Variants in IL22RA1 observed in about 807,000 individuals in gnomAD.
IL22RA1 encodes interleukin 22 receptor subunit alpha 1, also known as interleukin-22 receptor subunit alpha-1.
In IL22RA1, 25 loss-of-function variants were observed where a neutral mutation model predicts 32.8. The observed-to-expected ratio is 0.76, with a 90% CI of 0.55 to 1.06. IL22RA1 has a LOEUF of 1.06. IL22RA1 is among the 50% of genes least tolerant of loss of function. The probability of loss-of-function intolerance (pLI) is 0.00; values close to 1 mark genes in which losing one functional copy is unlikely to be tolerated. For missense variants in IL22RA1, 709 were observed against 727.4 expected (o/e 0.97, Z 0.29); for synonymous variants, 305 against 305.0 (o/e 1.00, Z 0.00).
At position 24,138,606 on chromosome 1, in the gene IL22RA1, G is replaced by A. The variant is rs568392040; in HGVS notation, c.152C>T (p.Thr51Met). The part of the protein sequence containing the change: ...WDSGPEGTPD[T>M]VYSIEYKTYG... ...CGTCTTATACTCGATGCTGTAGACC[G>A]TGTCTGGGGTGCCCTCCGGCCCGCT... Residue 51 changes from threonine to methionine, a missense_variant, in exon 2 of 7, where the codon ACG becomes ATG. Transcript: ENST00000270800. The A allele has an allele frequency of 3.8e-5, 62 of 1,614,150 alleles. No homozygotes were observed. The highest frequency in any genetic ancestry group is 4.4e-5 in the South Asian group (4 of 91,082).
At chr1:24,134,809 T>A (rs1644231668) in intron 3 of IL22RA1, 1 of 979,044 alleles carries the variant, frequency 1.0e-6, no homozygotes, top group Non-Finnish European at 1.2e-6. Context: ...CTAATACTAT[T>A]GATGCAGCCT....
In IL22RA1 at chr1:24,128,232, A is replaced by G; in HGVS notation, c.579T>C (p.Pro193=). The G allele has an allele frequency of 1.2e-6, 2 of 1,610,744 alleles. No homozygotes were observed. The highest frequency in any genetic ancestry group is 2.2e-5 in the South Asian group (2 of 90,812). The change falls in exon 5 of 7, where the codon CCT becomes CCC. Residue 193 remains proline (P), a synonymous_variant. Transcript: ENST00000270800. ...TGATGGTGCCAAGGAACTCTGTGTCAGGGGTCAGGCCGAAGAACTCATATT... is the reference window on the plus strand; with the variant it reads ...TGATGGTGCCAAGGAACTCTGTGTCGGGGGTCAGGCCGAAGAACTCATATT... ...QREYEFFGLT[P]DTEFLGTIMI... is the part of the protein sequence containing the mutation.
Position 24,120,642 on chromosome 1 carries a change from A to C in IL22RA1, c.*163T>G, listed in dbSNP as rs1469992902. ...GCTGCTTTGCTCCGGTGAGGAGCGC[A>C]CCCATGGCAGGGGCCCTGCATGCCA... On this transcript the variant is annotated 3_prime_UTR_variant, in exon 7 of 7. Transcript: ENST00000270800. 1 of 663,304 alleles carries C rather than the reference A, an allele frequency of 1.5e-6. No homozygotes were observed. Among genetic ancestry groups the C allele is most frequent in the Non-Finnish European group, 2.6e-6 (1 of 388,954 alleles). The allele number at this position is 663,304 out of a possible 1,614,324, so 41.1% of individuals were successfully genotyped here.
intron 4 of IL22RA1, 70 bp downstream of exon 4, chr1:24,134,136 TAAAGC>T (rs1644225455): frequency 1.5e-6 from 2 of 1,319,502 alleles, no homozygotes; most frequent in East Asian, 5.2e-5. Context: ...CTTTTTTTCT[TAAAGC>T]AACTCAGATC....
At chr1:24,129,013 CT>C (rs1160192697) in intron 4 of IL22RA1, among the ~76,000 whole-genome samples, 2 of 152,152 alleles carry the variant, frequency 1.3e-5, no homozygotes, top group African/African-American at 4.8e-5. Flanking sequence ...GGGTAAACAC[CT>C]ACCTTGCATA....
intron 2 of IL22RA1, 127 bp from the exon 3 acceptor site, chr1:24,137,436 C>A (rs1249846814): frequency 1.4e-6 from 1 of 716,442 alleles, no homozygotes; most frequent in Non-Finnish European, 2.3e-6. Context: ...GCCCTTTATG[C>A]GAATGATCTC....
chr1:24,132,309 T>G (rs958736769), intron 4 of IL22RA1, among the ~76,000 whole-genome samples: 1 of 150,780 alleles, frequency 6.6e-6, no homozygotes, highest in Non-Finnish European at 1.5e-5. Context: ...GCTGTTTGTT[T>G]GGGACCATGG....
At chr1:24,138,874 C>G (rs911745687) in intron 1 of IL22RA1, among the ~76,000 whole-genome samples, 160 bp from the exon 2 acceptor site, 6 of 152,178 alleles carry the variant, frequency 3.9e-5, no homozygotes, top group Non-Finnish European at 8.8e-5. Context: ...TGGCCCCCAG[C>G]CTTCTACAAA....
chr1:24,132,623 T>G (rs1246848593), intron 4 of IL22RA1, among the ~76,000 whole-genome samples: 1 of 151,760 alleles, frequency 6.6e-6, no homozygotes, highest in Non-Finnish European at 1.5e-5. Flanking sequence ...TGAGCCACCG[T>G]GCCTGGCTGG....
At chr1:24,126,933 G>A (rs1312283587) in intron 5 of IL22RA1, among the ~76,000 whole-genome samples, 1 of 151,876 alleles carries the variant, frequency 6.6e-6, no homozygotes, top group Non-Finnish European at 1.5e-5. Flanking sequence ...CATTTTGGGA[G>A]GCTGAGGTGG....
In IL22RA1 at chr1:24,138,849, TG is replaced by T. The variant is rs1644261349; in HGVS notation, c.44-136del. On this transcript the variant is annotated intron_variant, in intron 1 of 6. Coordinates refer to ENST00000270800, the MANE Select transcript of IL22RA1 (RefSeq NM_021258.4). The stretch of plus-strand genomic sequence containing the variant: ...GCTTTCAAGATGCCAGCCTGGTGGG[TG>T]GGCAGGGAGACCCTGGCCCCCAGCC... The T allele has an allele frequency of 6.5e-6, 7 of 1,069,476 alleles. No homozygotes were observed. The East Asian group carries it at 1.8e-4, about 28-fold the overall frequency. The allele number at this position is 1,069,476 out of a possible 1,614,324, so 66.2% of individuals were successfully genotyped here. A position where few individuals can be genotyped will look rare whatever the true frequency, so the allele number is the denominator to read the frequency against.
chr1:24,131,016 T>C lies in IL22RA1; in HGVS notation c.532-2737A>G, dbSNP rs556448696. ...CACCTCACCTGGCCAACAATGATTT[T>C]AAAGCAGCGGTATAACAATGCTCCA... On this transcript the variant is annotated intron_variant, in intron 4 of 6. Transcript: ENST00000270800. 8.5e-5 allele frequency among the ~76,000 whole-genome samples: 13 copies of C among 152,304 alleles called. No individual in the cohort carries two copies. In the East Asian group the frequency reaches 2.5e-3, roughly 29 times the overall value.
intron 1 of IL22RA1, 41 bp downstream of exon 1, chr1:24,142,998 TG>T: frequency 1.3e-6 from 2 of 1,593,010 alleles, no homozygotes; most frequent in Non-Finnish European, 1.7e-6. Flanking sequence ...CGTTGGCCCC[TG>T]GGATAAGGGA....
rs61560438 is a variant in IL22RA1, at chr1:24,128,376, A to G, written c.532-97T>C. 1.8e-3 allele frequency: 2,621 copies of G among 1,435,662 alleles called. 43 individuals carry two copies. In the African/African-American group the frequency reaches 0.031, roughly 17 times the overall value. 88.9% of individuals were successfully genotyped at this position (1,435,662 alleles called of 1,614,324 possible). ...CTCGCTCCTCCTGGATTCTGGTTTG[A>G]TGCTGATGGGTCTGTCTTCAGCCTC... On this transcript the variant is annotated intron_variant, in intron 4 of 6. Transcript: ENST00000270800.
At position 24,129,306 on chromosome 1, in the gene IL22RA1, C is replaced by T. The variant is rs190620419; in HGVS notation, c.532-1027G>A. Among the ~76,000 whole-genome samples, 350 of 152,286 alleles carry T rather than the reference C, an allele frequency of 2.3e-3. 3 individuals are homozygous for T. The highest frequency in any genetic ancestry group is 0.021 in the Admixed American group (322 of 15,296). On this transcript the variant is annotated intron_variant, in intron 4 of 6. Coordinates refer to ENST00000270800, the MANE Select transcript of IL22RA1 (RefSeq NM_021258.4). ...CTGAACCCATGGCTGCTGTGAGCAC[C>T]GATGTGTGGATAACTCCCAAACTTA...
intron 1 of IL22RA1, among the ~76,000 whole-genome samples, chr1:24,139,038 G>A (rs564600958): frequency 1.2e-4 from 19 of 152,318 alleles, no homozygotes; most frequent in African/African-American, 4.3e-4. Context: ...ACAACGTTGT[G>A]CAATCATCGC....
intron 6 of IL22RA1, among the ~76,000 whole-genome samples, chr1:24,122,301 C>T (rs78515506): frequency 0.042 from 6,234 of 149,084 alleles, 195 homozygotes; most frequent in Non-Finnish European, 0.063. Context: ...CTAGCAGAGG[C>T]GGCACTGGCG....
At chr1:24,135,906 G>T (rs1301488170) in intron 3 of IL22RA1, among the ~76,000 whole-genome samples, 1 of 152,190 alleles carries the variant, frequency 6.6e-6, no homozygotes, top group African/African-American at 2.4e-5. Context: ...TGGGGACATG[G>T]CCAAACCATA....
intron 3 of IL22RA1, among the ~76,000 whole-genome samples, chr1:24,135,729 A>C (rs1644236939): frequency 6.6e-6 from 1 of 152,202 alleles, no homozygotes; most frequent in Admixed American, 6.5e-5. Flanking sequence ...GAAAATGAGA[A>C]CCAAGCAAAG....
Sources: allele counts gnomAD v4.1 joint callset (sites outside exome capture counted in the v4.1 genomes callset), GRCh38; gene constraint gnomAD v4.1.1; transcripts MANE v1.5; gene names NCBI Gene and HGNC (gene_info 2026-07-23, HGNC 2026-07-21).